Variants in INO80E observed in about 807,000 individuals in gnomAD.
The protein encoded by INO80E is INO80 complex subunit E.
In INO80E, 20 loss-of-function variants were observed where a neutral mutation model predicts 27.3. The ratio of observed to expected loss-of-function variants is 0.73; its 90% CI spans 0.51 to 1.06. The LOEUF (loss-of-function observed/expected upper bound fraction) is 1.06, where lower values mean the gene tolerates loss of function less well. Among genes scored for constraint, INO80E ranks in the 50% least tolerant of loss-of-function variants. The pLI is 0.00. For missense variants in INO80E, 357 were observed against 322.8 expected (o/e 1.11, Z -0.81); for synonymous variants, 167 against 145.9 (o/e 1.14, Z -1.04).
rs1286654906 is a variant in INO80E, at chr16:30,001,007, G to A, written c.363G>A (p.Gln121=). 2 of 1,552,386 alleles carry A rather than the reference G, an allele frequency of 1.3e-6. No homozygotes were observed. The highest frequency in any genetic ancestry group is 1.7e-6 in the Non-Finnish European group (2 of 1,148,048). Residue 121 remains glutamine (Q), a synonymous_variant, in exon 5 of 7, where the codon CAG becomes CAA. Transcript: ENST00000563197. ...CTCCTTCAACAGGGTTTCCCCTTCA[G>A]GCCTCCGGGGTCCCCTCCCCATACC... is the stretch of plus-strand genomic sequence containing the variant. The part of the protein sequence containing the change: ...SLPPSTGFPL[Q]ASGVPSPYLS...
rs373302757 is a variant in INO80E, at chr16:30,005,455, G to A, written c.*13G>A. 28 of 1,586,702 alleles carry A rather than the reference G, an allele frequency of 1.8e-5. No individual in the cohort carries two copies. The Admixed American group carries it at 3.2e-4, about 18-fold the overall frequency. On this transcript the variant is annotated 3_prime_UTR_variant, in exon 7 of 7. Coordinates refer to ENST00000563197, the MANE Select transcript of INO80E (RefSeq NM_173618.3). ...CATCCCGGAGTGACCGTGACATCACGCCATGCCCACCACGGCCCCGCCCGG... is the reference window on the plus strand; with the variant it reads ...CATCCCGGAGTGACCGTGACATCACACCATGCCCACCACGGCCCCGCCCGG...
At position 30,005,294 on chromosome 16, in the gene INO80E, T is replaced by C; in HGVS notation, c.587T>C (p.Val196Ala). Residue 196 changes from valine (V) to alanine (A), a missense_variant, in exon 7 of 7, where the codon GTC (valine) becomes GCC (alanine). Val to Ala is a moderately conservative substitution (Grantham distance 64). Transcript: ENST00000563197. The part of the protein sequence containing the change: ...TFPGRGSGAG[V>A]GTTLTPLPPP... ...CCTGGCCGGGGTTCTGGGGCTGGGG[T>C]CGGGACAACCCTGACCCCCCTCCCA... is the stretch of plus-strand genomic sequence containing the variant. 1 of 1,473,572 alleles carries C rather than the reference T, an allele frequency of 6.8e-7. No homozygotes were observed. Among genetic ancestry groups the C allele is most frequent in the Non-Finnish European group, 9.0e-7 (1 of 1,113,626 alleles). 91.3% of individuals were successfully genotyped at this position (1,473,572 alleles called of 1,614,324 possible).
At chr16:30,002,451 G>A (rs780220299) in intron 6 of INO80E, 1 of 152,538 alleles carries the variant, frequency 6.6e-6, no homozygotes, top group African/African-American at 2.4e-5. Context: ...GGTGGTCAGA[G>A]AACAGACTGA....
chr16:29,997,901 C>G (rs2070195586), intron 3 of INO80E, among the ~76,000 whole-genome samples: 1 of 151,848 alleles, frequency 6.6e-6, no homozygotes. Flanking sequence ...TCCTGGGCAA[C>G]ATAGTGAGAC....
chr16:30,005,015 C>T (rs539769199), intron 6 of INO80E, among the ~76,000 whole-genome samples: 1 of 152,250 alleles, frequency 6.6e-6, no homozygotes, highest in East Asian at 1.9e-4. Context: ...CCCCTCATCT[C>T]ACCTCTATCA....
intron 3 of INO80E, among the ~76,000 whole-genome samples, chr16:29,997,327 C>T (rs114770382): frequency 2.8e-4 from 43 of 152,172 alleles, no homozygotes; most frequent in African/African-American, 1.0e-3. Flanking sequence ...TAGTAGCAGC[C>T]GTACCCCATA....
Position 30,005,427 on chromosome 16 carries a change from C to T in INO80E, c.720C>T (p.Ile240=), listed in dbSNP as rs1293283629. 4 of 1,600,398 alleles carry T rather than the reference C, an allele frequency of 2.5e-6. No individual in the cohort carries two copies. The highest frequency in any genetic ancestry group is 1.3e-5 in the African/African-American group (1 of 74,318). ...DALDGDDDLV[I]DIPE ...TGGATGGAGACGATGACCTGGTGAT[C>T]GACATCCCGGAGTGACCGTGACATC... Residue 240 remains isoleucine (I), a synonymous_variant, in exon 7 of 7, where the codon ATC becomes ATT. Transcript: ENST00000563197.
chr16:29,997,248 A>G (rs2070161976), intron 3 of INO80E, among the ~76,000 whole-genome samples: 1 of 152,220 alleles, frequency 6.6e-6, no homozygotes, highest in Admixed American at 6.5e-5. Flanking sequence ...TGTTTCTGCA[A>G]AGGGCCAGAT....
intron 3 of INO80E, among the ~76,000 whole-genome samples, chr16:29,997,093 C>T (rs1005673423): frequency 2.6e-5 from 4 of 152,176 alleles, no homozygotes; most frequent in African/African-American, 7.2e-5. Flanking sequence ...ATAGGCAAAG[C>T]CCTTGGCCTC....
intron 3 of INO80E, among the ~76,000 whole-genome samples, chr16:30,000,511 A>T (rs2070307438): frequency 6.6e-6 from 1 of 152,120 alleles, no homozygotes; most frequent in South Asian, 2.1e-4. Flanking sequence ...CTACAAGCAC[A>T]CGCCACCATG....
intron 3 of INO80E, among the ~76,000 whole-genome samples, chr16:29,998,151 G>A (rs769234770): frequency 5.3e-5 from 8 of 151,904 alleles, no homozygotes; most frequent in Non-Finnish European, 1.0e-4. Context: ...GTTAGCCGGG[G>A]ATGTTGGTGG....
rs1413821292 is a variant in INO80E, at chr16:30,005,231, G to A, written c.524G>A (p.Gly175Glu). Residue 175 changes from glycine (G) to glutamate (E), a missense_variant, in exon 7 of 7, where the codon GGA (glycine) becomes GAA (glutamate). Transcript: ENST00000563197. ...RLPRKLKMAV[G>E]PPDCPVGGPL... ...TTCCCCCTGCTGCAGATGGCGGTGG[G>A]ACCCCCCGACTGCCCTGTGGGAGGG... 2 of 1,444,622 alleles carry A rather than the reference G, an allele frequency of 1.4e-6. No individual in the cohort carries two copies. The highest frequency in any genetic ancestry group is 1.5e-5 in the African/African-American group (1 of 67,274). 89.5% of individuals were successfully genotyped at this position (1,444,622 alleles called of 1,614,324 possible). A position where few individuals can be genotyped will look rare whatever the true frequency, so the allele number is the denominator to read the frequency against.
intron 2 of INO80E, 69 bp from the exon 3 acceptor site, chr16:29,996,739 G>A: frequency 6.3e-7 from 1 of 1,596,674 alleles, no homozygotes; most frequent in South Asian, 1.1e-5. Context: ...CCAGCTGGGA[G>A]GGACAGGTAC....
At chr16:30,002,981 T>C (rs756683529) in intron 6 of INO80E, 6 of 151,018 alleles carry the variant, frequency 4.0e-5, no homozygotes, top group Admixed American at 2.6e-4. Flanking sequence ...CTTGGCCCTG[T>C]GAGGCTTCAC....
chr16:29,996,431 G>C, intron 1 of INO80E, 40 bp downstream of exon 1: 1 of 1,560,970 alleles, frequency 6.4e-7, no homozygotes, highest in Non-Finnish European at 8.7e-7. Flanking sequence ...GATGAGGCCT[G>C]GCGCGGACAA....
intron 3 of INO80E, among the ~76,000 whole-genome samples, chr16:29,997,693 G>T (rs1257035511): frequency 6.6e-6 from 1 of 151,680 alleles, no homozygotes; most frequent in Non-Finnish European, 1.5e-5. Flanking sequence ...GGCAGAGGTT[G>T]CAGTGAGCCG....
At chr16:29,997,176 G>A (rs960677971) in intron 3 of INO80E, among the ~76,000 whole-genome samples, 2 of 152,194 alleles carry the variant, frequency 1.3e-5, no homozygotes, top group African/African-American at 4.8e-5. Context: ...TCATAGGAAG[G>A]ACTTGAAGGT....
At chr16:30,001,651 A>T (rs1369115431) in intron 6 of INO80E, 121 bp downstream of exon 6, 1 of 888,034 alleles carries the variant, frequency 1.1e-6, no homozygotes, top group African/African-American at 1.7e-5. Context: ...CCCAGTCAGC[A>T]CTTAGCACTG....
chr16:30,001,290 GC>G, intron 5 of INO80E, 123 bp from the exon 6 acceptor site: 4 of 1,491,572 alleles, frequency 2.7e-6, no homozygotes, highest in Admixed American at 2.2e-5. Flanking sequence ...GTGCTCGGGA[GC>G]CCCGGGAGCC....
Sources: gnomAD v4.1 joint callset for allele counts (sites outside exome capture counted in the v4.1 genomes callset) on GRCh38, gnomAD v4.1.1 for gene constraint, MANE v1.5 for transcripts, NCBI Gene and HGNC (gene_info 2026-07-23, HGNC 2026-07-21) for gene names.